Variants in MGAM observed in about 807,000 individuals in gnomAD.
MGAM encodes maltase-glucoamylase, also known as alpha-1,4-glucosidase.
MGAM carries 253 observed loss-of-function variants against 358.8 expected under a neutral mutation model. That is an observed-to-expected ratio of 0.71 (90% CI 0.64 to 0.78). The LOEUF is 0.78. MGAM is among the 30% of genes least tolerant of loss of function. The probability of loss-of-function intolerance (pLI) is 0.00; values close to 1 mark genes in which losing one functional copy is unlikely to be tolerated. For missense variants in MGAM, 3,080 were observed against 3,432.6 expected (o/e 0.90, Z 2.57); for synonymous variants, 1,105 against 1,227.1 (o/e 0.90, Z 2.08).
intron 55 of MGAM, 42 bp from the exon 56 acceptor site, chr7:142,086,176 G>A: frequency 6.8e-7 from 1 of 1,480,290 alleles, no homozygotes; most frequent in South Asian, 1.2e-5. Context: ...TCTTCATTCT[G>A]TGGCTTTGAT....
intron 1 of MGAM, among the ~76,000 whole-genome samples, chr7:141,996,937 A>C (rs1212124027): frequency 4.6e-5 from 7 of 152,134 alleles, no homozygotes; most frequent in Non-Finnish European, 8.8e-5. Flanking sequence ...GAAGAGGAGA[A>C]GGTGATAAAT....
chr7:142,099,564 G>T, intron 66 of MGAM, 49 bp from the exon 67 acceptor site: 1 of 1,613,416 alleles, frequency 6.2e-7, no homozygotes, highest in Admixed American at 1.7e-5. Flanking sequence ...ATTGTTCAGG[G>T]AGGGGCCTGT....
intron 3 of MGAM, among the ~76,000 whole-genome samples, chr7:142,010,606 C>A (rs1726818242): frequency 6.6e-6 from 1 of 152,112 alleles, no homozygotes; most frequent in Admixed American, 6.6e-5. Flanking sequence ...CTTGGCATCC[C>A]TTCTGAATTC....
intron 1 of MGAM, among the ~76,000 whole-genome samples, chr7:142,003,137 T>A (rs1804862291): frequency 1.3e-5 from 2 of 152,092 alleles, no homozygotes; most frequent in Non-Finnish European, 2.9e-5. Flanking sequence ...AAAATGACCA[T>A]ACTGCCCAAA....
chr7:142,048,449 A>G (rs1448160775), intron 22 of MGAM, among the ~76,000 whole-genome samples: 3 of 128,622 alleles, frequency 2.3e-5, no homozygotes, highest in Non-Finnish European at 3.6e-5. Context: ...TGCTTGGCCA[A>G]TAGGCTCTCT....
chr7:142,013,490 C>G (rs1171083716), intron 3 of MGAM, among the ~76,000 whole-genome samples: 2 of 152,012 alleles, frequency 1.3e-5, no homozygotes, highest in South Asian at 2.1e-4. Flanking sequence ...CTGCTGTTTC[C>G]TAATGCCCTA....
intron 50 of MGAM, 21 bp from the exon 51 acceptor site, chr7:142,082,021 A>G (rs56920579): frequency 0.075 from 115,988 of 1,551,238 alleles, 23,822 homozygotes; most frequent in African/African-American, 0.51. Context: ...TCTGTTTCAA[A>G]TCTGCCTTTT....
At chr7:142,059,002 T>C (rs1811828222) in intron 31 of MGAM, among the ~76,000 whole-genome samples, 1 of 152,238 alleles carries the variant, frequency 6.6e-6, no homozygotes, top group Admixed American at 6.5e-5. Flanking sequence ...GGAAGAATGT[T>C]GTGTATGATT....
chr7:141,996,198 G>A (rs1804216088), intron 1 of MGAM, among the ~76,000 whole-genome samples: 1 of 151,960 alleles, frequency 6.6e-6, no homozygotes, highest in East Asian at 1.9e-4. Context: ...TACTCGGAGA[G>A]GCTAAGGCAG....
chr7:142,024,026 G>T (rs1233978412), intron 7 of MGAM, among the ~76,000 whole-genome samples: 2 of 152,034 alleles, frequency 1.3e-5, no homozygotes, highest in Non-Finnish European at 1.5e-5. Context: ...TTGAGGTCAG[G>T]AGTTCAAGAT....
chr7:142,065,957 T>C lies in MGAM; in HGVS notation c.4770+126T>C. 2.6e-6 allele frequency: 2 copies of C among 760,898 alleles called. 1 individual carries two copies. The highest frequency in any genetic ancestry group is 4.2e-5 in the South Asian group (2 of 48,068). The allele number at this position is 760,898 out of a possible 1,614,324, so 47.1% of individuals were successfully genotyped here. On this transcript the variant is annotated intron_variant, in intron 40 of 70. Transcript: ENST00000475668. The stretch of plus-strand genomic sequence containing the variant: ...TAAAAAAAGGTGTTTTTTTTTGTTT[T>C]GTTTTGTTTTGTTTTTTTTTTTGAA...
intron 2 of MGAM, among the ~76,000 whole-genome samples, chr7:141,987,059 C>A (rs1803739535): frequency 6.6e-6 from 1 of 152,158 alleles, no homozygotes; most frequent in South Asian, 2.1e-4. Context: ...GGAGACGAAA[C>A]ACGAGCCTGT....
intron 57 of MGAM, among the ~76,000 whole-genome samples, chr7:142,087,602 G>T (rs1392452055): frequency 6.8e-6 from 1 of 146,262 alleles, no homozygotes; most frequent in African/African-American, 2.4e-5. Flanking sequence ...TTCTTTCTGG[G>T]CAGGAATTGT....
chr7:142,039,651 G>C (rs754514531), intron 19 of MGAM, among the ~76,000 whole-genome samples: 8 of 152,080 alleles, frequency 5.3e-5, no homozygotes, highest in Non-Finnish European at 1.0e-4. Flanking sequence ...GCTCCATGAC[G>C]TAGAAACAGG....
chr7:142,079,505 A>G (rs958933717), intron 49 of MGAM, among the ~76,000 whole-genome samples: 1 of 146,040 alleles, frequency 6.8e-6, no homozygotes, highest in Non-Finnish European at 1.6e-5. Context: ...TGCTTGATCA[A>G]TGTAAGATGA....
Position 142,008,531 on chromosome 7 carries a change from C to A in MGAM, c.153C>A (p.Thr51=). 6.2e-7 allele frequency: 1 copy of A among 1,612,432 alleles called. No homozygotes were observed. Among genetic ancestry groups the A allele is most frequent in the Non-Finnish European group, 8.5e-7 (1 of 1,179,200 alleles). Residue 51 remains threonine, a synonymous_variant, in exon 3 of 71, where the codon ACC becomes ACA. Transcript: ENST00000475668. The part of the protein sequence containing the change: ...STAPDPGTTG[T]PDPGTTGTPD... ...CCCCAGATCCTGGGACAACTGGTAC[C>A]CCAGATCCTGGGACAACTGGTACCC...
rs756145147 is a variant in MGAM, at chr7:142,084,478, G to A, written c.6382-41G>A. The A allele has an allele frequency of 2.0e-6, 3 of 1,538,074 alleles. 1 individual carries two copies. The highest frequency in any genetic ancestry group is 8.9e-7 in the Non-Finnish European group (1 of 1,119,588). ...ACTTGATGTAAAACTTCAATCTGGT[G>A]TCTCTGTTCTGAGGACTAATATTTT... On this transcript the variant is annotated intron_variant, in intron 53 of 70. Coordinates refer to ENST00000475668, the MANE Select transcript of MGAM (RefSeq NM_001365693.1).
At chr7:141,998,002 T>C (rs554546492) in intron 1 of MGAM, among the ~76,000 whole-genome samples, 182 of 152,294 alleles carry the variant, frequency 1.2e-3, no homozygotes, top group African/African-American at 4.2e-3. Context: ...AAGAATGGCT[T>C]AGACCTCCAT....
chr7:142,106,371 T>C lies in MGAM; in HGVS notation c.*480T>C, dbSNP rs1428880310. Reference sequence around the variant, plus strand: ...GAGGAATAATATACCTAATTGGTTATAGGTGGGGGGAGCATGATAAGCAAA... The same window carrying C: ...GAGGAATAATATACCTAATTGGTTACAGGTGGGGGGAGCATGATAAGCAAA... On this transcript the variant is annotated 3_prime_UTR_variant, in exon 71 of 71. Transcript: ENST00000475668. The C allele has an allele frequency of 2.0e-5, 3 of 152,614 alleles. No homozygotes were observed. The highest frequency in any genetic ancestry group is 4.1e-4 in the South Asian group (2 of 4,858). The allele number at this position is 152,614 out of a possible 1,614,324, so 9.5% of individuals were successfully genotyped here.
Sources: gnomAD v4.1 joint callset for allele counts (sites outside exome capture counted in the v4.1 genomes callset) on GRCh38, gnomAD v4.1.1 for gene constraint, MANE v1.5 for transcripts, NCBI Gene and HGNC (gene_info 2026-07-23, HGNC 2026-07-21) for gene names.